Variants in RNF10 observed in about 807,000 individuals in gnomAD.
The protein encoded by RNF10 is E3 ubiquitin-protein ligase RNF10.
Under a neutral mutation model 91.4 loss-of-function variants are expected in RNF10, and 38 were observed. That is an observed-to-expected ratio of 0.42 (90% CI 0.32 to 0.54). RNF10 has a LOEUF of 0.54. RNF10 is among the 20% of genes least tolerant of loss of function. The pLI, the probability that RNF10 is intolerant of heterozygous loss-of-function variation, is 0.16. For missense variants in RNF10, 945 were observed against 1,012.0 expected (o/e 0.93, Z 0.90); for synonymous variants, 364 against 366.3 (o/e 0.99, Z 0.07).
Position 120,566,954 on chromosome 12 carries a change from TCAG to T in RNF10, c.2019_2021del (p.Ser673del), listed in dbSNP as rs745566182. The T allele has an allele frequency of 6.2e-7, 1 of 1,606,258 alleles. No homozygotes were observed. Among genetic ancestry groups the T allele is most frequent in the East Asian group, 2.2e-5 (1 of 44,832 alleles). ...CATGGGGCCCTCTCCATTTCTCCTC[TCAG>T]CAGAAGTCCAGGTTCCCATGCAGGT... On this transcript the variant is annotated inframe_deletion, in exon 13 of 17. Transcript: ENST00000325954.
Position 120,570,966 on chromosome 12 carries a change from C to T in RNF10, c.2042-225C>T, listed in dbSNP as rs139676525. ...ACCATGACTTCTAGAGTTACTGTAA[C>T]GATGAAGCTCTTCCCTCTTCCTGTA... is the stretch of plus-strand genomic sequence containing the variant. On this transcript the variant is annotated intron_variant, in intron 13 of 16. Coordinates refer to ENST00000325954, the MANE Select transcript of RNF10 (RefSeq NM_014868.5). Among the ~76,000 whole-genome samples the T allele has an allele frequency of 4.5e-4, 68 of 152,232 alleles. 1 individual carries two copies. Among genetic ancestry groups the T allele is most frequent in the African/African-American group, 1.4e-3 (60 of 41,534 alleles).
intron 13 of RNF10, among the ~76,000 whole-genome samples, chr12:120,568,687 GCTGGTCTCGAACTC>G (rs1310511840): frequency 1.3e-5 from 2 of 151,966 alleles, no homozygotes; most frequent in Non-Finnish European, 2.9e-5. Context: ...TGTTGGCCAG[GCTGGTCTCGAACTC>G]CTGGCCTCAA....
chr12:120,573,755 C>T (rs1023120285), intron 14 of RNF10, among the ~76,000 whole-genome samples: 1 of 152,056 alleles, frequency 6.6e-6, no homozygotes, highest in Non-Finnish European at 1.5e-5. Context: ...GGTGCCAGGC[C>T]GTTTTAAACA....
At chr12:120,535,078 G>A in intron 1 of RNF10, 110 bp downstream of exon 1, 1 of 1,171,664 alleles carries the variant, frequency 8.5e-7, no homozygotes, top group Non-Finnish European at 1.2e-6. Flanking sequence ...TTCTTTTATA[G>A]CTCCTACCTG....
chr12:120,557,325 A>G lies in RNF10; in HGVS notation c.689A>G (p.Tyr230Cys), dbSNP rs756778898. The stretch of plus-strand genomic sequence containing the variant: ...GTGCCATCTTGCCCAATATGCCTCT[A>G]TCCACCTACTGCAGCCAAGATAACC... ...HEVPSCPICL[Y>C]PPTAAKITRC... Residue 230 changes from tyrosine (Y) to cysteine (C), a missense_variant, in exon 5 of 17, where the codon TAT (tyrosine) becomes TGT (cysteine). Coordinates refer to ENST00000325954, the MANE Select transcript of RNF10 (RefSeq NM_014868.5). The G allele has an allele frequency of 7.4e-6, 12 of 1,614,050 alleles. No individual in the cohort carries two copies. The highest frequency in any genetic ancestry group is 1.3e-5 in the African/African-American group (1 of 74,926).
intron 13 of RNF10, among the ~76,000 whole-genome samples, chr12:120,567,335 C>CA (rs11373766): frequency 0.4 from 57,043 of 143,880 alleles, 11,551 homozygotes; most frequent in East Asian, 0.63. Context: ...TTTAATAGCT[C>CA]AAAAAAAAAA....
Sources: allele counts gnomAD v4.1 joint callset (sites outside exome capture counted in the v4.1 genomes callset), GRCh38; gene constraint gnomAD v4.1.1; transcripts MANE v1.5; gene names NCBI Gene and HGNC (gene_info 2026-07-23, HGNC 2026-07-21).